Variants in APOOL observed in about 807,000 individuals in gnomAD.
The protein encoded by APOOL is apolipoprotein O like, also known as MICOS complex subunit MIC27.
In APOOL, 12 loss-of-function variants were observed where a neutral mutation model predicts 23.1. The observed-to-expected ratio is 0.52, with a 90% confidence interval of 0.33 to 0.84. The LOEUF (loss-of-function observed/expected upper bound fraction) is 0.84, where lower values mean the gene tolerates loss of function less well. Ranked by LOEUF, APOOL falls within the 40% of genes least tolerant of loss-of-function variation. APOOL has a pLI of 0.02. For missense variants in APOOL, 212 were observed against 199.6 expected, an observed-to-expected ratio of 1.06 and a Z score of -0.37; for synonymous variants, 77 against 69.9, an observed-to-expected ratio of 1.10 and a Z score of -0.51.
chrX:85,056,753 AT>A (rs1381091915), intron 5 of APOOL, among the ~76,000 whole-genome samples: 14 of 112,028 alleles, frequency 1.2e-4, no homozygotes, highest in Admixed American at 9.5e-5. Flanking sequence ...CAAAAAAAAA[AT>A]ATTTTAAAAT....
At chrX:85,067,106 T>G in intron 5 of APOOL, 21 bp from the exon 6 acceptor site, 1 of 1,021,018 alleles carries the variant, frequency 9.8e-7, no homozygotes, top group Non-Finnish European at 1.3e-6. Context: ...TGGAGTTTAA[T>G]AATATATTTG....
chrX:85,032,341 C>T (rs1464708131), intron 1 of APOOL, among the ~76,000 whole-genome samples: 2 of 110,416 alleles, frequency 1.8e-5, no homozygotes, highest in Non-Finnish European at 3.8e-5. Context: ...ATGGAGAAAC[C>T]CGGTCTCTAC....
Position 85,051,636 on chromosome X carries a change from T to C in APOOL, c.240+128T>C, listed in dbSNP as rs551249939. On this transcript the variant is annotated intron_variant, in intron 3 of 8. Coordinates refer to ENST00000373173, the MANE Select transcript of APOOL (RefSeq NM_198450.6). ...ACCACAACCATTATATTACATCTTATGATTTTGTAAGTCATGAATTTGATC... is the reference window on the plus strand; with the variant it reads ...ACCACAACCATTATATTACATCTTACGATTTTGTAAGTCATGAATTTGATC... The C allele has an allele frequency of 1.3e-3, 1,181 of 902,685 alleles. 15 individuals carry two copies. The South Asian group carries it at 0.027, about 20-fold the overall frequency. 74.4% of individuals were successfully genotyped at this position (902,685 alleles called of 1,213,427 possible). A position where few individuals can be genotyped will look rare whatever the true frequency, so the allele number is the denominator to read the frequency against.
chrX:85,044,046 G>A (rs919657128), intron 1 of APOOL, among the ~76,000 whole-genome samples: 10 of 111,566 alleles, frequency 9.0e-5, no homozygotes, highest in African/African-American at 3.3e-4. Flanking sequence ...TGATGGGCTT[G>A]TTTTATATCT....
chrX:85,087,599 A>C lies in APOOL; in HGVS notation c.728A>C (p.Gln243Pro). 8.3e-7 allele frequency: 1 copy of C among 1,200,093 alleles called. No individual in the cohort carries two copies. Among genetic ancestry groups the C allele is most frequent in the Non-Finnish European group, 1.1e-6 (1 of 889,545 alleles). ...TTTAATACTTTATCAGGTGCAACCC[A>C]GTTTATGCCTGACCCCAAGCTCATG... The part of the protein sequence containing the change: ...TKSESTSGAT[Q>P]FMPDPKLMDH... Residue 243 changes from glutamine (Q) to proline (P), a missense_variant, in exon 9 of 9, where the codon CAG (glutamine) becomes CCG (proline). Gln to Pro is a moderately conservative substitution (Grantham distance 76). Coordinates refer to ENST00000373173, the MANE Select transcript of APOOL (RefSeq NM_198450.6).
chrX:85,087,613 C>T lies in APOOL; in HGVS notation c.742C>T (p.Pro248Ser). ...AGGTGCAACCCAGTTTATGCCTGACCCCAAGCTCATGGATCACGGGCAGTC... is the reference window on the plus strand; with the variant it reads ...AGGTGCAACCCAGTTTATGCCTGACTCCAAGCTCATGGATCACGGGCAGTC... Reference protein sequence around the residue: ...TSGATQFMPDPKLMDHGQSHP... With the variant: ...TSGATQFMPDSKLMDHGQSHP... The change falls in exon 9 of 9, where the codon CCC becomes TCC. Residue 248 changes from proline to serine, a missense_variant. Transcript: ENST00000373173. The T allele has an allele frequency of 5.0e-6, 6 of 1,200,340 alleles. No homozygotes were observed. Among genetic ancestry groups the T allele is most frequent in the East Asian group, 3.0e-5 (1 of 33,496 alleles).
At chrX:85,083,098 C>T (rs1924170168) in intron 8 of APOOL, among the ~76,000 whole-genome samples, 1 of 110,997 alleles carries the variant, frequency 9.0e-6, no homozygotes, top group Non-Finnish European at 1.9e-5. Context: ...ATAAGTGTTT[C>T]ACCCTTTGTA....
Position 85,071,925 on chromosome X carries a change from T to C in APOOL, c.487-2073T>C, listed in dbSNP as rs758984029. Among the ~76,000 whole-genome samples the C allele has an allele frequency of 2.7e-5, 3 of 111,532 alleles. No homozygotes were observed. In the East Asian group the frequency reaches 8.5e-4, roughly 32 times the overall value. On this transcript the variant is annotated intron_variant, in intron 6 of 8. Coordinates refer to ENST00000373173, the MANE Select transcript of APOOL (RefSeq NM_198450.6). ...CTGGCTAACACGGTGAAACCCCGTC[T>C]CTACTAAAAATACAAAAAATTAGCC...
Position 85,092,846 on chromosome X carries a change from C to T in APOOL, c.*5168C>T. On this transcript the variant is annotated 3_prime_UTR_variant, in exon 9 of 9. Coordinates refer to ENST00000373173, the MANE Select transcript of APOOL (RefSeq NM_198450.6). ...CATGTTCTCATATGTTTCCAAAATA[C>T]AAGAAGATCTTGCTTTTATAGTCTT... 1 of 325,997 alleles carries T rather than the reference C, an allele frequency of 3.1e-6. No individual in the cohort carries two copies. The highest frequency in any genetic ancestry group is 4.5e-5 in the East Asian group (1 of 21,982). 26.9% of individuals were successfully genotyped at this position (325,997 alleles called of 1,213,427 possible). A position where few individuals can be genotyped will look rare whatever the true frequency, so the allele number is the denominator to read the frequency against.
rs192370487 is a variant in APOOL at position 85,006,639 on chromosome X, A to G, written c.15+2712A>G. Among the ~76,000 whole-genome samples the G allele has an allele frequency of 4.0e-3, 443 of 111,516 alleles. 2 individuals carry two copies. The highest frequency in any genetic ancestry group is 0.014 in the African/African-American group (430 of 30,759). ...GACAAGGGAAAATGTACCAGGAGGT[A>G]TCTAGAGGGAAAGATAATAGTATTT... On this transcript the variant is annotated intron_variant, in intron 1 of 8. Coordinates refer to ENST00000373173, the MANE Select transcript of APOOL (RefSeq NM_198450.6).
Position 85,092,369 on chromosome X carries a change from A to T in APOOL, c.*4691A>T. The T allele has an allele frequency of 1.7e-6, 2 of 1,155,386 alleles. No individual in the cohort carries two copies. The highest frequency in any genetic ancestry group is 2.3e-6 in the Non-Finnish European group (2 of 867,652). On this transcript the variant is annotated 3_prime_UTR_variant, in exon 9 of 9. Coordinates refer to ENST00000373173, the MANE Select transcript of APOOL (RefSeq NM_198450.6). ...GTCAAATGTTGGAGGCTGTGTTGGG[A>T]TGAGTTGTTACAAAGCCTCTTTCAT...
At chrX:85,034,427 T>A (rs1422997830) in intron 1 of APOOL, among the ~76,000 whole-genome samples, 1 of 111,100 alleles carries the variant, frequency 9.0e-6, no homozygotes, top group Non-Finnish European at 1.9e-5. Flanking sequence ...AATAATAGGC[T>A]TCATAATTAA....
At chrX:85,039,975 T>C (rs1393491865) in intron 1 of APOOL, among the ~76,000 whole-genome samples, 1 of 112,034 alleles carries the variant, frequency 8.9e-6, no homozygotes, top group African/African-American at 3.2e-5. Flanking sequence ...GATTTGATTG[T>C]GTGGTTGCTT....
Position 85,087,661 on chromosome X carries a change from T to C in APOOL, c.790T>C (p.Tyr264His). 1 of 1,193,858 alleles carries C rather than the reference T, an allele frequency of 8.4e-7. No homozygotes were observed. The highest frequency in any genetic ancestry group is 1.1e-6 in the Non-Finnish European group (1 of 886,183). ...GTCCCACCCAGAAGATATAGATATGTACAGCACTAGAAGCTGAAGTAGACT... is the reference window on the plus strand; with the variant it reads ...GTCCCACCCAGAAGATATAGATATGCACAGCACTAGAAGCTGAAGTAGACT... ...GQSHPEDIDM[Y>H]STRS The change falls in exon 9 of 9, where the codon TAC becomes CAC. Residue 264 changes from tyrosine to histidine, a missense_variant. Coordinates refer to ENST00000373173, the MANE Select transcript of APOOL (RefSeq NM_198450.6).
chrX:85,048,799 C>T (rs1013653738), intron 2 of APOOL, among the ~76,000 whole-genome samples: 3 of 111,964 alleles, frequency 2.7e-5, no homozygotes, highest in Admixed American at 1.9e-4. Context: ...TTCAACTCTT[C>T]TCACTAAACA....
In APOOL at chrX:85,061,104, T is replaced by C. The variant is rs747217701; in HGVS notation, c.394+5179T>C. Among the ~76,000 whole-genome samples the C allele has an allele frequency of 4.5e-5, 5 of 111,654 alleles. No homozygotes were observed. In the East Asian group the frequency reaches 8.4e-4, roughly 19 times the overall value. On this transcript the variant is annotated intron_variant, in intron 5 of 8. Transcript: ENST00000373173. Reference sequence around the variant, plus strand: ...TTTTAGCATGAAGATTTGTTGAATTTTGTCAAAGGCCTTTTCTGCATCTAT... The same window carrying C: ...TTTTAGCATGAAGATTTGTTGAATTCTGTCAAAGGCCTTTTCTGCATCTAT...
At chrX:85,076,847 C>T (rs1352083030) in intron 8 of APOOL, among the ~76,000 whole-genome samples, 3 of 107,700 alleles carry the variant, frequency 2.8e-5, no homozygotes, top group African/African-American at 1.0e-4. Flanking sequence ...AATTTGGTGT[C>T]ATAGACCTCT....
intron 8 of APOOL, among the ~76,000 whole-genome samples, chrX:85,076,995 T>TTATATATATA (rs752255967): frequency 1.5e-4 from 12 of 82,525 alleles, no homozygotes; most frequent in African/African-American, 6.2e-4. Flanking sequence ...TTTGCTAAAC[T>TTATATATATA]TATATATATA....
At chrX:85,083,408 CTG>C (rs1924182415) in intron 8 of APOOL, among the ~76,000 whole-genome samples, 2 of 111,094 alleles carry the variant, frequency 1.8e-5, no homozygotes, top group Admixed American at 1.9e-4. Context: ...GACTTGGACT[CTG>C]TTAAAAAATT....
Sources: gnomAD v4.1 joint callset for allele counts (sites outside exome capture counted in the v4.1 genomes callset) on GRCh38, gnomAD v4.1.1 for gene constraint, MANE v1.5 for transcripts, NCBI Gene and HGNC (gene_info 2026-07-23, HGNC 2026-07-21) for gene names.